COL6A1: variants seen among roughly 807,000 people sequenced by gnomAD.
COL6A1 encodes the protein collagen alpha-1(VI) chain.
In COL6A1, 80 loss-of-function variants were observed where a neutral mutation model predicts 145.6. The observed-to-expected ratio is 0.55, with a 90% CI of 0.46 to 0.66. The LOEUF is 0.66. COL6A1 is among the 30% of genes least tolerant of loss of function. The pLI, the probability that COL6A1 is intolerant of heterozygous loss-of-function variation, is 0.00. For synonymous variants in COL6A1, 638 were observed against 622.8 expected, an observed-to-expected ratio of 1.02 and a Z score of -0.36; for missense variants, 1,364 against 1,473.8, an observed-to-expected ratio of 0.93 and a Z score of 1.22.
At chr21:45,995,379 G>C (rs2077799259) in intron 20 of COL6A1, among the ~76,000 whole-genome samples, 1 of 152,244 alleles carries the variant, frequency 6.6e-6, no homozygotes, top group Admixed American at 6.5e-5. Flanking sequence ...CAGGTGCAGG[G>C]CACAGTGCGT....
chr21:45,986,645 G>C lies in COL6A1; in HGVS notation c.548G>C (p.Gly183Ala), dbSNP rs766184155. ...EDAVNEAKHL[G>A]VKVFSVAITP... ...GCTGTGAACGAGGCCAAGCACCTGG[G>C]CGTCAAAGTCTTCTCGGTGGCCATC... is the stretch of plus-strand genomic sequence containing the variant. Residue 183 changes from glycine (G) to alanine (A), a missense_variant, in exon 4 of 35, where the codon GGC becomes GCC. This residue lies in a region of COL6A1 where 414 missense variants were observed against 437.6 expected (regional missense o/e 0.95). Coordinates refer to ENST00000361866, the MANE Select transcript of COL6A1 (RefSeq NM_001848.3). 1 of 1,551,886 alleles carries C rather than the reference G, an allele frequency of 6.4e-7. No individual in the cohort carries two copies. The highest frequency in any genetic ancestry group is 8.7e-7 in the Non-Finnish European group (1 of 1,147,908).
At position 45,997,646 on chromosome 21, in the gene COL6A1, C is replaced by T. The variant is rs1032921998; in HGVS notation, c.1462-54C>T. Reference sequence around the variant, plus strand: ...CCGGCCCCAGGAGGGCCCTGCTTCCCTCCAAGGTCACCATGCTAAGCCTGC... The same window carrying T: ...CCGGCCCCAGGAGGGCCCTGCTTCCTTCCAAGGTCACCATGCTAAGCCTGC... On this transcript the variant is annotated intron_variant, in intron 21 of 34. Coordinates refer to ENST00000361866, the MANE Select transcript of COL6A1 (RefSeq NM_001848.3). 2.6e-6 allele frequency: 4 copies of T among 1,564,092 alleles called. No homozygotes were observed. In the African/African-American group the frequency reaches 4.1e-5, roughly 16 times the overall value.
chr21:45,984,593 C>A, intron 3 of COL6A1, 124 bp downstream of exon 3: 1 of 899,914 alleles, frequency 1.1e-6, no homozygotes, highest in Non-Finnish European at 1.8e-6. Context: ...GGAGGCTGCA[C>A]GGCCTCCCTG....
intron 11 of COL6A1, among the ~76,000 whole-genome samples, 164 bp downstream of exon 11, chr21:45,989,942 C>T (rs1440644258): frequency 6.6e-6 from 1 of 152,200 alleles, no homozygotes; most frequent in Non-Finnish European, 1.5e-5. Context: ...AGGACAAGGA[C>T]AGCCACCCAG....
intron 15 of COL6A1, among the ~76,000 whole-genome samples, chr21:45,991,318 C>T (rs932688528): frequency 6.6e-6 from 1 of 152,342 alleles, no homozygotes; most frequent in Middle Eastern, 3.4e-3. Context: ...GCCGCTCGCT[C>T]GGCACAGATG....
intron 8 of COL6A1, 88 bp downstream of exon 8, chr21:45,987,742 C>T: frequency 6.9e-7 from 1 of 1,453,640 alleles, no homozygotes; most frequent in Non-Finnish European, 9.3e-7. Context: ...CCCAAGTCCA[C>T]CATGAGGATC....
intron 29 of COL6A1, 117 bp from the exon 30 acceptor site, chr21:46,001,136 G>T: frequency 1.4e-6 from 2 of 1,405,970 alleles, no homozygotes; most frequent in Middle Eastern, 2.2e-4. Context: ...GAGACGGGGG[G>T]ACCCCAACGT....
At chr21:45,989,899 C>A in intron 11 of COL6A1, 121 bp downstream of exon 11, 1 of 1,304,556 alleles carries the variant, frequency 7.7e-7, no homozygotes, top group South Asian at 1.2e-5. Flanking sequence ...TGCAGACCCG[C>A]TCCACCGCCC....
intron 28 of COL6A1, 111 bp from the exon 29 acceptor site, chr21:46,000,648 G>A: frequency 7.8e-7 from 1 of 1,275,854 alleles, no homozygotes. Flanking sequence ...GGGAGGCCGG[G>A]GAAGGAGGGC....
chr21:45,994,823 G>A lies in COL6A1; in HGVS notation c.1398+594G>A, dbSNP rs1377673584. On this transcript the variant is annotated intron_variant, in intron 20 of 34. Transcript: ENST00000361866. This position sits in a 1 kb window ranked among gnomAD's most constrained non-coding sequence, Gnocchi z 6.8. ...TGTTGCCCGCAGGCTGGGCTGGGCC[G>A]TTGCATCCTCCCGGAGCTCACCTGC... Among the ~76,000 whole-genome samples the A allele has an allele frequency of 6.6e-6, 1 of 152,218 alleles. No individual in the cohort carries two copies. Among genetic ancestry groups the A allele is most frequent in the Non-Finnish European group, 1.5e-5 (1 of 68,036 alleles).
chr21:45,987,164 G>A lies in COL6A1; in HGVS notation c.727G>A (p.Val243Met), dbSNP rs557153744. The A allele has an allele frequency of 1.4e-5, 23 of 1,597,432 alleles. No individual in the cohort carries two copies. The highest frequency in any genetic ancestry group is 5.3e-5 in the African/African-American group (4 of 74,928). The change falls in exon 6 of 35, where the codon GTG becomes ATG. Residue 243 changes from valine to methionine, a missense_variant. Val to Met is a conservative substitution (Grantham distance 21). This residue lies in a region of COL6A1 where 414 missense variants were observed against 437.6 expected (regional missense o/e 0.95). Transcript: ENST00000361866. ...DTIVDMIKNN[V>M]EQVCCSFECQ... ...CCATTTCTCTTTCCAGAAAAATAAC[G>A]TGGAGCAAGTGGTAAGAGCCCTCCC...
chr21:45,995,203 C>T (rs936310293), intron 20 of COL6A1, among the ~76,000 whole-genome samples: 10 of 152,230 alleles, frequency 6.6e-5, no homozygotes, highest in Admixed American at 2.0e-4. Context: ...CTGGGCCGTT[C>T]GTCCACCTGG....
At chr21:45,986,836 G>A (rs2077742009) in intron 4 of COL6A1, 108 bp from the exon 5 acceptor site, 5 of 1,525,934 alleles carry the variant, frequency 3.3e-6, no homozygotes, top group East Asian at 2.5e-5. Context: ...CCCTCCTGCT[G>A]AGGAGCCTGG....
chr21:45,984,473 A>G lies in COL6A1; in HGVS notation c.428+4A>G, dbSNP rs757243602. On this transcript the variant is annotated splice_donor_region_variant and intron_variant, in intron 3 of 34. Coordinates refer to ENST00000361866, the MANE Select transcript of COL6A1 (RefSeq NM_001848.3). Reference sequence around the variant, plus strand: ...GGCTGGAGCAGCTCCTCGTGGGGTGAGTGGCCCCCAGCCTCCTGCCCACGC... The same window carrying G: ...GGCTGGAGCAGCTCCTCGTGGGGTGGGTGGCCCCCAGCCTCCTGCCCACGC... The G allele has an allele frequency of 6.2e-7, 1 of 1,608,526 alleles. No individual in the cohort carries two copies. The highest frequency in any genetic ancestry group is 8.5e-7 in the Non-Finnish European group (1 of 1,179,750).
intron 25 of COL6A1, 85 bp downstream of exon 25, chr21:45,999,044 G>A (rs911976193): frequency 1.1e-5 from 17 of 1,543,582 alleles, no homozygotes; most frequent in East Asian, 4.9e-5. Context: ...ACCAGGACCC[G>A]CTTGGGGAGG....
rs1489097956 is a variant in COL6A1 at position 45,998,709 on chromosome 21, C to A, written c.1612-188C>A. On this transcript the variant is annotated intron_variant, in intron 24 of 34. Transcript: ENST00000361866. Reference sequence around the variant, plus strand: ...CCCTCGGTGCGCAGGGCAGGCCCAGCCCCAGAGGCCGCCCCACGGCTCTCT... The same window carrying A: ...CCCTCGGTGCGCAGGGCAGGCCCAGACCCAGAGGCCGCCCCACGGCTCTCT... 2.6e-5 allele frequency among the ~76,000 whole-genome samples: 4 copies of A among 152,250 alleles called. No homozygotes were observed. The South Asian group carries it at 8.3e-4, about 32-fold the overall frequency.
At chr21:46,002,749 AG>A (rs752921417) in intron 33 of COL6A1, 39 bp downstream of exon 33, 1 of 1,557,314 alleles carries the variant, frequency 6.4e-7, no homozygotes, top group Non-Finnish European at 8.7e-7. Flanking sequence ...AGATCTGCGT[AG>A]GTGCGCGCGG....
Position 46,004,159 on chromosome 21 carries a change from G to A in COL6A1, c.*146G>A, listed in dbSNP as rs558686036. The A allele has an allele frequency of 1.7e-4, 193 of 1,119,190 alleles. No individual in the cohort carries two copies. The highest frequency in any genetic ancestry group is 2.3e-4 in the Non-Finnish European group (181 of 784,818). The allele number at this position is 1,119,190 out of a possible 1,614,324, so 69.3% of individuals were successfully genotyped here. On this transcript the variant is annotated 3_prime_UTR_variant, in exon 35 of 35. Transcript: ENST00000361866. The stretch of plus-strand genomic sequence containing the variant: ...AAAGCTTGGAAAGCCAGGACACAAC[G>A]CTGCTGCCTGCTTTGTGCAGGGTCC...
At chr21:45,999,298 G>T (rs1235149301) in intron 26 of COL6A1, 80 bp downstream of exon 26, 1 of 1,381,322 alleles carries the variant, frequency 7.2e-7, no homozygotes, top group Admixed American at 2.0e-5. Flanking sequence ...TGCTGGAAGA[G>T]GCTGGGAGAG....
Sources: allele counts gnomAD v4.1 joint callset (sites outside exome capture counted in the v4.1 genomes callset), GRCh38; gene constraint gnomAD v4.1.1; regional missense constraint gnomAD v4.1.1; non-coding constraint Gnocchi (gnomAD v3.1); transcripts MANE v1.5; gene names NCBI Gene and HGNC (gene_info 2026-07-23, HGNC 2026-07-21).